Variants in SMYD4 observed in about 807,000 individuals in gnomAD.
SMYD4 encodes protein-lysine N-methyltransferase SMYD4.
Under a neutral mutation model 72.8 loss-of-function variants are expected in SMYD4, and 68 were observed. The ratio of observed to expected loss-of-function variants is 0.93; its 90% CI spans 0.77 to 1.14. SMYD4 has a LOEUF of 1.14. SMYD4 is among the 50% of genes most tolerant of loss of function. The probability of loss-of-function intolerance (pLI) is 0.00; values close to 1 mark genes in which losing one functional copy is unlikely to be tolerated. For synonymous variants in SMYD4, 407 were observed against 388.6 expected, an observed-to-expected ratio of 1.05 and a Z score of -0.56; for missense variants, 984 against 1,003.7, an observed-to-expected ratio of 0.98 and a Z score of 0.27.
intron 5 of SMYD4, among the ~76,000 whole-genome samples, chr17:1,792,163 C>T (rs1395966644): frequency 6.6e-6 from 1 of 151,940 alleles, no homozygotes; most frequent in East Asian, 2.0e-4. Flanking sequence ...CTGCCTCAGC[C>T]TCCAGAGTAG....
At chr17:1,783,587 CT>C (rs1908494584) in intron 8 of SMYD4, 111 bp from the exon 9 acceptor site, 4 of 1,483,772 alleles carry the variant, frequency 2.7e-6, no homozygotes, top group Non-Finnish European at 3.6e-6. Context: ...GAAATTCCCC[CT>C]GGCCTCCCTG....
intron 10 of SMYD4, 41 bp downstream of exon 10, chr17:1,782,994 A>C (rs766954467): frequency 1.3e-6 from 2 of 1,579,750 alleles, no homozygotes; most frequent in Admixed American, 4.1e-5. Context: ...GAGCCTAGGA[A>C]AGGAACAGTG....
In SMYD4 at chr17:1,800,809, T is replaced by C; in HGVS notation, c.585A>G (p.Lys195=). ...GACTGTCCTTTTCTTGCATCTTCAT[T>C]TTCAGACGATGGAGGTTTCTCTGCA... ...QTLQRNLHRL[K]MKMQEKDSLT... Residue 195 remains lysine (K), a synonymous_variant, in exon 5 of 11, where the codon AAA becomes AAG. Transcript: ENST00000305513. 1 of 1,614,206 alleles carries C rather than the reference T, an allele frequency of 6.2e-7. No individual in the cohort carries two copies. The highest frequency in any genetic ancestry group is 1.1e-5 in the South Asian group (1 of 91,086).
chr17:1,803,547 A>G (rs1388981528), intron 4 of SMYD4, among the ~76,000 whole-genome samples: 1 of 152,154 alleles, frequency 6.6e-6, no homozygotes, highest in African/African-American at 2.4e-5. Context: ...GCTGGAGTGC[A>G]GTGGCACGAT....
In SMYD4 at chr17:1,781,152, A is replaced by G; in HGVS notation, c.*134T>C. The stretch of plus-strand genomic sequence containing the variant: ...GCCAGGCTGGTCTTGAACTCCTGAC[A>G]TCAGGTGATCCGCCCACCTTAGCCT... On this transcript the variant is annotated 3_prime_UTR_variant, in exon 11 of 11. Coordinates refer to ENST00000305513, the MANE Select transcript of SMYD4 (RefSeq NM_052928.3). 3 of 1,124,190 alleles carry G rather than the reference A, an allele frequency of 2.7e-6. No homozygotes were observed. Among genetic ancestry groups the G allele is most frequent in the Non-Finnish European group, 2.5e-6 (2 of 803,532 alleles). 69.6% of individuals were successfully genotyped at this position (1,124,190 alleles called of 1,614,324 possible).
rs1323016877 is a variant in SMYD4 at position 1,800,225 on chromosome 17, G to A, written c.1169C>T (p.Thr390Ile). Residue 390 changes from threonine to isoleucine, a missense_variant, in exon 5 of 11, where the codon ACA (threonine) becomes ATA (isoleucine). Transcript: ENST00000305513. The part of the protein sequence containing the change: ...CLPESNNQVK[T>I]LNYGLGESEK... ...ACTCTCCCCTAGGCCATAATTAAGT[G>A]TCTTGACCTGATTGTTGCTTTCAGG... 1.2e-6 allele frequency: 2 copies of A among 1,614,132 alleles called. No individual in the cohort carries two copies. Among genetic ancestry groups the A allele is most frequent in the Non-Finnish European group, 1.7e-6 (2 of 1,180,004 alleles).
At chr17:1,826,415 T>G (rs576000068) in intron 2 of SMYD4, among the ~76,000 whole-genome samples, 3 of 148,576 alleles carry the variant, frequency 2.0e-5, no homozygotes, top group African/African-American at 5.0e-5. Flanking sequence ...TCACTTGAAC[T>G]TGGGAGGCGG....
rs1481084359 is a variant in SMYD4, at chr17:1,783,103, A to G, written c.2193T>C (p.Val731=). The change falls in exon 10 of 11, where the codon GTT becomes GTC. Residue 731 remains valine (V), a synonymous_variant. Coordinates refer to ENST00000305513, the MANE Select transcript of SMYD4 (RefSeq NM_052928.3). ...HLQRSLYVVE[V]RHGPSSVEMG... ...TTTCAACACTGGACGGCCCGTGGCG[A>G]ACCTCCACCACGTAGAGACTCCTCT... 11 of 1,614,074 alleles carry G rather than the reference A, an allele frequency of 6.8e-6. No homozygotes were observed. The highest frequency in any genetic ancestry group is 9.3e-6 in the Non-Finnish European group (11 of 1,180,044).
At position 1,819,638 on chromosome 17, in the gene SMYD4, C is replaced by T. The variant is rs57455074; in HGVS notation, c.135-7523G>A. On this transcript the variant is annotated intron_variant, in intron 2 of 10. Transcript: ENST00000305513. Reference sequence around the variant, plus strand: ...GATAATTGCCAGAATCATTCCATCACACTAGGGGTTACAAAATGGCGATTT... The same window carrying T: ...GATAATTGCCAGAATCATTCCATCATACTAGGGGTTACAAAATGGCGATTT... Among the ~76,000 whole-genome samples the T allele has an allele frequency of 6.3e-3, 954 of 152,290 alleles. 4 individuals are homozygous for T. Among genetic ancestry groups the T allele is most frequent in the African/African-American group, 0.022 (900 of 41,558 alleles).
intron 10 of SMYD4, chr17:1,781,723 A>G (rs976334123): frequency 1.5e-5 from 3 of 206,680 alleles, no homozygotes; most frequent in Admixed American, 6.3e-5. Flanking sequence ...TCGCCCAGGT[A>G]TTTGTGCGAC....
At chr17:1,818,359 G>C (rs898486151) in intron 2 of SMYD4, among the ~76,000 whole-genome samples, 12 of 152,092 alleles carry the variant, frequency 7.9e-5, no homozygotes, top group African/African-American at 2.9e-4. Flanking sequence ...ATCCACATAT[G>C]CATCATTTTT....
intron 2 of SMYD4, among the ~76,000 whole-genome samples, chr17:1,818,648 A>C (rs1174416937): frequency 6.6e-6 from 1 of 151,952 alleles, no homozygotes; most frequent in Non-Finnish European, 1.5e-5. Context: ...TAGTGGTATA[A>C]TTTTTAAATT....
In SMYD4 at chr17:1,821,639, C is replaced by A. The variant is rs776991359; in HGVS notation, c.134+6222G>T. On this transcript the variant is annotated intron_variant, in intron 2 of 10. Coordinates refer to ENST00000305513, the MANE Select transcript of SMYD4 (RefSeq NM_052928.3). ...TGCAATGTTTAGAAATAATAAATTA[C>A]GTGTCAGAAGGCTGGGCACAGTGGC... Among the ~76,000 whole-genome samples the A allele has an allele frequency of 3.3e-5, 5 of 152,004 alleles. No homozygotes were observed. In the South Asian group the frequency reaches 1.0e-3, roughly 32 times the overall value.
In SMYD4 at chr17:1,785,763, C is replaced by CAAAAAAAAAAAAAA. The variant is rs1355052619; in HGVS notation, c.1884+1046_1884+1047insTTTTTTTTTTTTTT. ...TGGATGACAGGGCAAGACCCCATCTCAAAAAAAAAAAAGAAAAAAAAAAAA... is the reference window on the plus strand; with the variant it reads ...TGGATGACAGGGCAAGACCCCATCTCAAAAAAAAAAAAAAAAAAAAAAAAAAGAAAAAAAAAAAA... On this transcript the variant is annotated intron_variant, in intron 7 of 10. Transcript: ENST00000305513. 1.5e-3 allele frequency among the ~76,000 whole-genome samples: 61 copies of CAAAAAAAAAAAAAA among 42,058 alleles called. 1 individual carries two copies. The highest frequency in any genetic ancestry group is 6.4e-3 in the African/African-American group (59 of 9,158). 27.6% of individuals were successfully genotyped at this position (42,058 alleles called of 152,430 possible).
intron 2 of SMYD4, among the ~76,000 whole-genome samples, chr17:1,817,936 A>G: frequency 6.7e-6 from 1 of 150,072 alleles, no homozygotes; most frequent in Non-Finnish European, 1.5e-5. Flanking sequence ...AGTCCCAGCT[A>G]CTCGGGAGGC....
chr17:1,819,108 G>A (rs972632771), intron 2 of SMYD4, among the ~76,000 whole-genome samples: 23 of 152,034 alleles, frequency 1.5e-4, no homozygotes, highest in Non-Finnish European at 2.8e-4. Flanking sequence ...TGTAATCCCA[G>A]CACTTAGGGA....
intron 5 of SMYD4, among the ~76,000 whole-genome samples, chr17:1,789,205 T>C (rs1232146194): frequency 1.3e-5 from 2 of 151,564 alleles, no homozygotes; most frequent in South Asian, 2.1e-4. Context: ...CTGGCCAAAA[T>C]GGCAAAACCC....
chr17:1,818,643 G>T (rs1008455619), intron 2 of SMYD4, among the ~76,000 whole-genome samples: 3 of 151,850 alleles, frequency 2.0e-5, no homozygotes, highest in Non-Finnish European at 4.4e-5. Flanking sequence ...TTAGATAGTG[G>T]TATAATTTTT....
intron 1 of SMYD4, 41 bp from the exon 2 acceptor site, chr17:1,828,047 A>C (rs1911293378): frequency 1.3e-6 from 2 of 1,576,920 alleles, no homozygotes. Context: ...ACAAATGCAC[A>C]ATTTTAGAAA....
Sources: gnomAD v4.1 joint callset for allele counts (sites outside exome capture counted in the v4.1 genomes callset) on GRCh38, gnomAD v4.1.1 for gene constraint, MANE v1.5 for transcripts, NCBI Gene and HGNC (gene_info 2026-07-23, HGNC 2026-07-21) for gene names.